The following UXS1 variants were observed in gnomAD, a reference collection of about 807,000 sequenced individuals.
UXS1 encodes UDP-glucuronic acid decarboxylase 1.
Under a neutral mutation model 62.6 loss-of-function variants are expected in UXS1, and 33 were observed. That is an observed-to-expected ratio of 0.53 (90% CI 0.40 to 0.70). UXS1 has a LOEUF of 0.70. UXS1 is among the 30% of genes least tolerant of loss of function. UXS1 has a pLI of 0.00. For missense variants in UXS1, 434 were observed against 556.3 expected, an observed-to-expected ratio of 0.78 and a Z score of 2.21; for synonymous variants, 213 against 206.8, an observed-to-expected ratio of 1.03 and a Z score of -0.26.
intron 1 of UXS1, among the ~76,000 whole-genome samples, chr2:106,181,628 A>T (rs1305091240): frequency 6.6e-6 from 1 of 152,152 alleles, no homozygotes; most frequent in Non-Finnish European, 1.5e-5. Flanking sequence ...GAGGCACCAG[A>T]ATCACTTGAG....
intron 14 of UXS1, among the ~76,000 whole-genome samples, chr2:106,094,603 C>T (rs1314611226): frequency 2.0e-5 from 3 of 152,150 alleles, no homozygotes; most frequent in Non-Finnish European, 4.4e-5. Context: ...GCCTGATTCT[C>T]CCACGTGACA....
At chr2:106,106,338 T>G (rs1301966954) in intron 10 of UXS1, among the ~76,000 whole-genome samples, 2 of 124,572 alleles carry the variant, frequency 1.6e-5, no homozygotes, top group East Asian at 4.6e-4. Flanking sequence ...CACTCCAGCC[T>G]GGGCAACAAG....
intron 1 of UXS1, among the ~76,000 whole-genome samples, chr2:106,188,360 T>C (rs1003497073): frequency 5.3e-5 from 8 of 152,146 alleles, no homozygotes; most frequent in African/African-American, 1.7e-4. Context: ...GGCCCATTTA[T>C]ACTTAGGGTC....
rs779722350 is a variant in UXS1 at position 106,096,785 on chromosome 2, T to C, written c.1079A>G (p.Gln360Arg). ...TGGTTTTCTTTTCTGTGGGTCATCC[T>C]GGGCTTCGGAGAGAAACTGAATTTC... ...GSEIQFLSEAQDDPQKRKPDI... is the reference protein window; with the variant it reads ...GSEIQFLSEARDDPQKRKPDI... The change falls in exon 14 of 15, where the codon CAG (glutamine) becomes CGG (arginine). Residue 360 changes from glutamine to arginine, a missense_variant. Physicochemically the swap from Gln to Arg is conservative, Grantham distance 43. This residue lies in a region of UXS1 where 209 missense variants were observed against 233.3 expected (regional missense o/e 0.90). Transcript: ENST00000283148. 1.1e-5 allele frequency: 17 copies of C among 1,593,354 alleles called. No individual in the cohort carries two copies. The highest frequency in any genetic ancestry group is 1.5e-5 in the Non-Finnish European group (17 of 1,168,582).
At chr2:106,172,800 A>T (rs1440400905) in intron 1 of UXS1, among the ~76,000 whole-genome samples, 1 of 152,140 alleles carries the variant, frequency 6.6e-6, no homozygotes, top group African/African-American at 2.4e-5. Flanking sequence ...CCTATTGCCC[A>T]TCTCTCTGAA....
intron 9 of UXS1, among the ~76,000 whole-genome samples, chr2:106,122,767 C>T (rs1236232633): frequency 6.6e-6 from 1 of 152,146 alleles, no homozygotes; most frequent in Non-Finnish European, 1.5e-5. Context: ...GAATTGATCT[C>T]TAGGAAATCA....
intron 5 of UXS1, among the ~76,000 whole-genome samples, chr2:106,149,113 T>C (rs1169918885): frequency 1.3e-5 from 2 of 152,160 alleles, no homozygotes; most frequent in African/African-American, 4.8e-5. Context: ...AGGCTTTAAG[T>C]TATAGCAACA....
chr2:106,109,717 C>T (rs189816189), intron 10 of UXS1, among the ~76,000 whole-genome samples: 1 of 152,184 alleles, frequency 6.6e-6, no homozygotes, highest in African/African-American at 2.4e-5. Flanking sequence ...CTTAACCCAG[C>T]GACATACTCC....
Position 106,150,410 on chromosome 2 carries a change from C to A in UXS1, c.292-5040G>T, listed in dbSNP as rs897727189. ...GAAGGCATTTCAGAAATCCTCCAGG[C>A]AAGCTGAGACCTTGAGGCCAACGTT... On this transcript the variant is annotated intron_variant, in intron 5 of 14. Transcript: ENST00000283148. 6.3e-4 allele frequency among the ~76,000 whole-genome samples: 96 copies of A among 152,204 alleles called. 1 individual carries two copies. Among genetic ancestry groups the A allele is most frequent in the African/African-American group, 2.2e-3 (91 of 41,450 alleles).
At chr2:106,108,449 G>C (rs1270670394) in intron 10 of UXS1, among the ~76,000 whole-genome samples, 1 of 152,190 alleles carries the variant, frequency 6.6e-6, no homozygotes, top group Non-Finnish European at 1.5e-5. Context: ...AAGGCCTGCA[G>C]GGACTTGGCA....
intron 3 of UXS1, 62 bp downstream of exon 3, chr2:106,164,674 A>C (rs1475741943): frequency 3.7e-5 from 48 of 1,284,756 alleles, no homozygotes; most frequent in Non-Finnish European, 4.9e-5. Flanking sequence ...CAGCACGAGC[A>C]AAGGAAGTAA....
chr2:106,094,212 C>CGCAGTAAGGAAGTGCCACCTT, intron 14 of UXS1, 55 bp from the exon 15 acceptor site: 1 of 1,186,124 alleles, frequency 8.4e-7, no homozygotes, highest in South Asian at 1.5e-5. Context: ...AGAAGGGCAT[C>CGCAGTAAGGAAGTGCCACCTT]GCAGGAAGGA....
intron 1 of UXS1, among the ~76,000 whole-genome samples, chr2:106,178,255 C>T (rs915760190): frequency 6.6e-6 from 1 of 152,162 alleles, no homozygotes; most frequent in African/African-American, 2.4e-5. Context: ...CGTCTTTACA[C>T]GGTTTGTCCA....
In UXS1 at chr2:106,190,148, C is replaced by T. The variant is rs76251808; in HGVS notation, c.94+4000G>A. On this transcript the variant is annotated intron_variant, in intron 1 of 14. Transcript: ENST00000283148. ...GTTTGGAGTTGGATCTGTCATACTA[C>T]ATAGAAAGCAAGCAAATTAGAACAC... is the stretch of plus-strand genomic sequence containing the variant. Among the ~76,000 whole-genome samples the T allele has an allele frequency of 2.2e-4, 34 of 152,316 alleles. 2 individuals are homozygous for T. In the East Asian group the frequency reaches 6.6e-3, roughly 29 times the overall value.
chr2:106,187,671 C>A (rs1358450792), intron 1 of UXS1, among the ~76,000 whole-genome samples: 4 of 151,494 alleles, frequency 2.6e-5, no homozygotes, highest in Non-Finnish European at 4.4e-5. Flanking sequence ...AATGTCACTA[C>A]AACAAAATCC....
At chr2:106,144,532 G>T (rs1041059769) in intron 6 of UXS1, among the ~76,000 whole-genome samples, 5 of 152,174 alleles carry the variant, frequency 3.3e-5, no homozygotes, top group Admixed American at 2.6e-4. Context: ...CATACTAAAA[G>T]AATATTTTTA....
chr2:106,176,271 T>C (rs1395803986), intron 1 of UXS1, among the ~76,000 whole-genome samples: 1 of 152,178 alleles, frequency 6.6e-6, no homozygotes, highest in Non-Finnish European at 1.5e-5. Context: ...CCAATCATCC[T>C]AGCACTCTGG....
chr2:106,159,181 C>T (rs781693605), intron 4 of UXS1: 4 of 152,294 alleles, frequency 2.6e-5, no homozygotes, highest in Middle Eastern at 3.4e-3. Flanking sequence ...TCAGGGCAGT[C>T]GGCAAGAAGA....
intron 1 of UXS1, among the ~76,000 whole-genome samples, chr2:106,189,519 A>G (rs1684786310): frequency 6.6e-6 from 1 of 152,234 alleles, no homozygotes; most frequent in South Asian, 2.1e-4. Context: ...GTGCAGGCCC[A>G]GAAGTGGAAG....
Sources: allele counts gnomAD v4.1 joint callset (sites outside exome capture counted in the v4.1 genomes callset), GRCh38; gene constraint gnomAD v4.1.1; regional missense constraint gnomAD v4.1.1; transcripts MANE v1.5; gene names NCBI Gene and HGNC (gene_info 2026-07-23, HGNC 2026-07-21).